Variants in SCP2 observed in about 807,000 individuals in gnomAD.
SCP2 encodes the protein sterol carrier protein 2.
Under a neutral mutation model 71.4 loss-of-function variants are expected in SCP2, and 48 were observed. The observed-to-expected ratio is 0.67, with a 90% CI of 0.53 to 0.86. The LOEUF (loss-of-function observed/expected upper bound fraction) is 0.86, where lower values mean the gene tolerates loss of function less well. SCP2 is among the 40% of genes least tolerant of loss of function. The pLI, the probability that SCP2 is intolerant of heterozygous loss-of-function variation, is 0.00. For synonymous variants in SCP2, 220 were observed against 218.1 expected, an observed-to-expected ratio of 1.01 and a Z score of -0.08; for missense variants, 560 against 655.6, an observed-to-expected ratio of 0.85 and a Z score of 1.59.
At chr1:52,934,182 A>T (rs1653432931) in intron 1 of SCP2, among the ~76,000 whole-genome samples, 1 of 152,240 alleles carries the variant, frequency 6.6e-6, no homozygotes, top group Non-Finnish European at 1.5e-5. Context: ...ATTTTCTCAA[A>T]AACGAATGAA....
chr1:53,047,603 G>A (rs539727722), intron 14 of SCP2, among the ~76,000 whole-genome samples: 1 of 152,098 alleles, frequency 6.6e-6, no homozygotes, highest in African/African-American at 2.4e-5. Context: ...ATTTCTTATT[G>A]TGGCTTGTAT....
intron 12 of SCP2, among the ~76,000 whole-genome samples, chr1:53,018,740 C>CAA (rs1184206730): frequency 0.012 from 1,409 of 114,316 alleles, 31 homozygotes; most frequent in African/African-American, 0.041. Context: ...GACTCTGTTT[C>CAA]AAAAAAAAAA....
Position 52,948,065 on chromosome 1 carries a change from G to T in SCP2, c.184G>T (p.Val62Phe). The change falls in exon 3 of 16, where the codon GTT becomes TTT. Residue 62 changes from valine (V) to phenylalanine (F), a missense_variant. Val to Phe is a conservative substitution (Grantham distance 50, BLOSUM62 -1). This residue lies in a region of SCP2 where 513 missense variants were observed against 573.1 expected (regional missense o/e 0.90). Transcript: ENST00000371514. The part of the protein sequence containing the change: ...IPYSAVDQAC[V>F]GYVFGDSTCG... ...TTATTCAGCAGTGGACCAGGCATGT[G>T]TTGGCTATGTTTTTGGTATGTATTA... 6.2e-7 allele frequency: 1 copy of T among 1,611,086 alleles called. No individual in the cohort carries two copies. Among genetic ancestry groups the T allele is most frequent in the Non-Finnish European group, 8.5e-7 (1 of 1,177,284 alleles).
At chr1:53,029,439 G>C (rs1196120388) in intron 13 of SCP2, among the ~76,000 whole-genome samples, 1 of 151,856 alleles carries the variant, frequency 6.6e-6, no homozygotes. Context: ...ATTTCATTAT[G>C]GATTTTAGAT....
In SCP2 at chr1:52,927,319, G is replaced by A. The variant is rs1349208573; in HGVS notation, c.-78G>A. ...CCGCGGCCCTGGCTTCGGGCTTCAG[G>A]GAGCTCTGGTGCAGTCTCCGCCTGT... On this transcript the variant is annotated 5_prime_UTR_variant, in exon 1 of 16. Transcript: ENST00000371514. The A allele has an allele frequency of 3.9e-6, 5 of 1,292,542 alleles. No individual in the cohort carries two copies. In the Admixed American group the frequency reaches 5.9e-5, roughly 15 times the overall value. The allele number at this position is 1,292,542 out of a possible 1,614,324, so 80.1% of individuals were successfully genotyped here. A position where few individuals can be genotyped will look rare whatever the true frequency, so the allele number is the denominator to read the frequency against.
At chr1:52,954,449 T>C (rs1655615931) in intron 4 of SCP2, among the ~76,000 whole-genome samples, 1 of 152,208 alleles carries the variant, frequency 6.6e-6, no homozygotes, top group South Asian at 2.1e-4. Flanking sequence ...ACCTCCTGCC[T>C]CAGCCTACCA....
chr1:52,961,121 A>C (rs528666923), intron 5 of SCP2, among the ~76,000 whole-genome samples: 2 of 142,088 alleles, frequency 1.4e-5, no homozygotes, highest in Admixed American at 1.5e-4. Context: ...GTACATGTGC[A>C]CAACGTGCAG....
rs1308936830 is a variant in SCP2 at position 53,051,012 on chromosome 1, A to G, written c.*308A>G. 4.5e-6 allele frequency: 1 copy of G among 221,852 alleles called. No homozygotes were observed. The highest frequency in any genetic ancestry group is 9.1e-6 in the Non-Finnish European group (1 of 110,480). 13.7% of individuals were successfully genotyped at this position (221,852 alleles called of 1,614,324 possible). On this transcript the variant is annotated 3_prime_UTR_variant, in exon 16 of 16. Transcript: ENST00000371514. ...GTAAAATCCAAAGAACTATGTAAAC[A>G]AAAAAGCTTTTGTTTTGCTTACAAA...
intron 11 of SCP2, among the ~76,000 whole-genome samples, chr1:53,013,269 C>A (rs1269091258): frequency 6.6e-6 from 1 of 151,512 alleles, no homozygotes; most frequent in Admixed American, 6.6e-5. Context: ...ACATGTGTCC[C>A]CATGCCTGGC....
chr1:53,022,852 A>C (rs1661848209), intron 12 of SCP2, among the ~76,000 whole-genome samples: 1 of 152,064 alleles, frequency 6.6e-6, no homozygotes. Context: ...TAGAATGAAA[A>C]TTTTCAAGAA....
chr1:53,008,223 C>T (rs974343237), intron 11 of SCP2, among the ~76,000 whole-genome samples: 3 of 152,216 alleles, frequency 2.0e-5, no homozygotes, highest in Non-Finnish European at 4.4e-5. Context: ...GGTACCATTC[C>T]TTCTGAAACT....
chr1:52,995,955 TA>T (rs1203297925), intron 11 of SCP2: 1 of 1,458,020 alleles, frequency 6.9e-7, no homozygotes, highest in Non-Finnish European at 9.0e-7. Flanking sequence ...CGTCTCTGAG[TA>T]TCAGCAGTAC....
At chr1:52,993,901 C>T (rs908714922) in intron 11 of SCP2, 270 of 1,427,932 alleles carry the variant, frequency 1.9e-4, no homozygotes, top group Middle Eastern at 2.6e-4. Flanking sequence ...GAGGACACCA[C>T]TGCAAATCTT....
At chr1:52,955,320 A>T (rs1160502705) in intron 5 of SCP2, among the ~76,000 whole-genome samples, 3 of 152,246 alleles carry the variant, frequency 2.0e-5, no homozygotes, top group Admixed American at 2.0e-4. Context: ...GGCAGCTGTG[A>T]GCCACAATTT....
chr1:52,968,283 T>C (rs1657159238), intron 6 of SCP2, among the ~76,000 whole-genome samples: 1 of 152,152 alleles, frequency 6.6e-6, no homozygotes. Flanking sequence ...GTTTCTCCCT[T>C]TTCCCTTGAT....
At chr1:53,037,948 TATAC>T (rs1470200585) in intron 13 of SCP2, among the ~76,000 whole-genome samples, 67 of 88,364 alleles carry the variant, frequency 7.6e-4, no homozygotes, top group Middle Eastern at 9.3e-3. Context: ...ATCCTGTCTC[TATAC>T]ACACACACAC....
intron 11 of SCP2, among the ~76,000 whole-genome samples, chr1:53,009,990 A>T (rs1660881250): frequency 6.6e-6 from 1 of 152,266 alleles, no homozygotes; most frequent in East Asian, 1.9e-4. Flanking sequence ...CACTCCTCAA[A>T]AGAAGATATT....
intron 12 of SCP2, among the ~76,000 whole-genome samples, chr1:53,018,868 C>A (rs1195199798): frequency 6.6e-6 from 1 of 152,064 alleles, no homozygotes; most frequent in Non-Finnish European, 1.5e-5. Context: ...TATTTTTTCT[C>A]CCTGTCAGGA....
At chr1:52,977,298 G>C (rs1201398094) in intron 8 of SCP2, among the ~76,000 whole-genome samples, 1 of 152,168 alleles carries the variant, frequency 6.6e-6, no homozygotes, top group Admixed American at 6.5e-5. Flanking sequence ...ATACAGGCTG[G>C]GATGGAAAGA....
Sources: allele counts gnomAD v4.1 joint callset (sites outside exome capture counted in the v4.1 genomes callset), GRCh38; gene constraint gnomAD v4.1.1; regional missense constraint gnomAD v4.1.1; transcripts MANE v1.5; gene names NCBI Gene and HGNC (gene_info 2026-07-23, HGNC 2026-07-21).